The following RHOH variants were observed in gnomAD, a reference collection of about 807,000 sequenced individuals.
RHOH encodes the protein rho-related GTP-binding protein RhoH.
A neutral mutation model predicts 13.8 loss-of-function variants in RHOH; 6 were observed. That is an observed-to-expected ratio of 0.44 (90% CI 0.24 to 0.86). The LOEUF (loss-of-function observed/expected upper bound fraction) is 0.86, where lower values mean the gene tolerates loss of function less well. Ranked by LOEUF, RHOH falls within the 40% of genes least tolerant of loss-of-function variation. The pLI, the probability that RHOH is intolerant of heterozygous loss-of-function variation, is 0.24. For synonymous variants in RHOH, 117 were observed against 103.0 expected (o/e 1.14, Z -0.82); for missense variants, 147 against 244.5 (o/e 0.60, Z 2.66).
upstream of RHOH, among the ~76,000 whole-genome samples, chr4:40,195,353 T>TTTTC (rs1723009650): frequency 1.5e-5 from 2 of 131,196 alleles, no homozygotes; most frequent in African/African-American, 6.0e-5. Flanking sequence ...CCTTTCTTTC[T>TTTTC]TTTCCTTCCT....
chr4:40,220,010 C>T (rs1039273538), intron 1 of RHOH, among the ~76,000 whole-genome samples: 10 of 152,052 alleles, frequency 6.6e-5, no homozygotes, highest in Non-Finnish European at 7.4e-5. Flanking sequence ...GGGACAGGGC[C>T]GAGGAGAAAA....
rs552603664 is a variant in RHOH, at chr4:40,219,372, A to G, written c.-331+22072A>G. ...GGTTGCAGTGAGCCGAGATCGCACC[A>G]CTGCACTCCAGCTTGGGGACAGAGT... On this transcript the variant is annotated intron_variant, in intron 1 of 2. Transcript: ENST00000381799. Among the ~76,000 whole-genome samples the G allele has an allele frequency of 3.5e-3, 524 of 149,164 alleles. 1 individual carries two copies. The highest frequency in any genetic ancestry group is 5.9e-3 in the Non-Finnish European group (399 of 67,592).
At chr4:40,208,199 G>T (rs1724873729) in intron 1 of RHOH, among the ~76,000 whole-genome samples, 1 of 152,040 alleles carries the variant, frequency 6.6e-6, no homozygotes, top group Non-Finnish European at 1.5e-5. Context: ...CGAGCTATTT[G>T]GAATTTAAAT....
chr4:40,234,371 C>T (rs1433644313), intron 1 of RHOH, among the ~76,000 whole-genome samples: 4 of 152,142 alleles, frequency 2.6e-5, no homozygotes, highest in African/African-American at 9.7e-5. Flanking sequence ...TAAGGGTGCT[C>T]TGGGTGGTTG....
chr4:40,220,825 A>G (rs763746197), intron 1 of RHOH, among the ~76,000 whole-genome samples: 1 of 152,172 alleles, frequency 6.6e-6, no homozygotes, highest in African/African-American at 2.4e-5. Flanking sequence ...TTAAAAAAGA[A>G]TTTTGCTCTG....
At chr4:40,237,777 G>A (rs923304972) in intron 1 of RHOH, among the ~76,000 whole-genome samples, 4 of 152,136 alleles carry the variant, frequency 2.6e-5, no homozygotes, top group African/African-American at 9.7e-5. Context: ...CCCAACTGGC[G>A]ATGGACTCAT....
At chr4:40,222,624 C>A (rs114748261) in intron 1 of RHOH, among the ~76,000 whole-genome samples, 2 of 152,310 alleles carry the variant, frequency 1.3e-5, no homozygotes, top group East Asian at 3.9e-4. Flanking sequence ...TCATGGACAA[C>A]GCACCTAGTC....
intron 1 of RHOH, among the ~76,000 whole-genome samples, chr4:40,207,766 A>C (rs955088386): frequency 1.4e-4 from 21 of 152,196 alleles, no homozygotes; most frequent in Non-Finnish European, 2.4e-4. Context: ...CAGGAGTTCG[A>C]GACCAGCCTG....
chr4:40,243,303 C>A lies in RHOH; in HGVS notation c.-84C>A. 2 of 1,257,526 alleles carry A rather than the reference C, an allele frequency of 1.6e-6. No homozygotes were observed. The highest frequency in any genetic ancestry group is 2.2e-6 in the Non-Finnish European group (2 of 903,528). 77.9% of individuals were successfully genotyped at this position (1,257,526 alleles called of 1,614,324 possible). ...ACCTACCTGGCTTGCATTCCCCTTG[C>A]TGAATGGCGTGTGCTGCAGCTGCCC... On this transcript the variant is annotated 5_prime_UTR_variant, in exon 3 of 3. The change creates a new upstream start codon in the 5' untranslated region. Coordinates refer to ENST00000381799, the MANE Select transcript of RHOH (RefSeq NM_004310.5). This position sits in a 1 kb window ranked among gnomAD's most constrained non-coding sequence, Gnocchi z 6.2.
At chr4:40,212,273 T>C (rs570536867) in intron 1 of RHOH, among the ~76,000 whole-genome samples, 14 of 152,350 alleles carry the variant, frequency 9.2e-5, no homozygotes, top group African/African-American at 3.4e-4. Flanking sequence ...TGGATTAGAC[T>C]TCCTCAGTTT....
chr4:40,227,662 A>G (rs1579304381), intron 1 of RHOH, among the ~76,000 whole-genome samples: 6 of 152,174 alleles, frequency 3.9e-5, no homozygotes, highest in African/African-American at 1.4e-4. Flanking sequence ...CTATATATAT[A>G]TATATATTTG....
At chr4:40,235,673 G>A (rs549737670) in intron 1 of RHOH, among the ~76,000 whole-genome samples, 59 of 150,000 alleles carry the variant, frequency 3.9e-4, no homozygotes, top group African/African-American at 1.4e-3. Flanking sequence ...GTAGAGACCT[G>A]GTCTGAAGAG....
At position 40,243,362 on chromosome 4, in the gene RHOH, C is replaced by G. The variant is rs7688174; in HGVS notation, c.-25C>G. On this transcript the variant is annotated 5_prime_UTR_variant, in exon 3 of 3. Coordinates refer to ENST00000381799, the MANE Select transcript of RHOH (RefSeq NM_004310.5). The surrounding 1 kb of genome is among the most constrained non-coding windows in gnomAD (Gnocchi z 6.2). ...CTCTTTTCCCTGGGATTCTGGACTT[C>G]AGAGTAGGACAGCAGGCTGGGAAGA... 0.016 allele frequency: 25,223 copies of G among 1,543,866 alleles called. 2,855 individuals are homozygous for G. In the African/African-American group the frequency reaches 0.27, roughly 16 times the overall value.
At chr4:40,197,826 A>T (rs1723402275) in intron 1 of RHOH, among the ~76,000 whole-genome samples, 1 of 152,206 alleles carries the variant, frequency 6.6e-6, no homozygotes, top group African/African-American at 2.4e-5. Context: ...TTTTTTAATT[A>T]AATTTAATCT....
chr4:40,204,286 A>G (rs1006326882), intron 1 of RHOH, among the ~76,000 whole-genome samples: 4 of 152,224 alleles, frequency 2.6e-5, no homozygotes, highest in Admixed American at 2.6e-4. Flanking sequence ...ATGATGTGGT[A>G]AATCAAGGAT....
At chr4:40,213,559 G>A (rs1400385114) in intron 1 of RHOH, among the ~76,000 whole-genome samples, 1 of 151,990 alleles carries the variant, frequency 6.6e-6, no homozygotes, top group Non-Finnish European at 1.5e-5. Flanking sequence ...GTCTGGTTAA[G>A]ACAACTAATA....
At chr4:40,223,317 CAATCAGT>C (rs759714522) in intron 1 of RHOH, among the ~76,000 whole-genome samples, 4 of 152,126 alleles carry the variant, frequency 2.6e-5, no homozygotes, top group Non-Finnish European at 4.4e-5. Context: ...AAGGAAGAAT[CAATCAGT>C]GTGGCAAACT....
chr4:40,193,733 T>C (rs1579205825), upstream of RHOH: 1 of 152,496 alleles, frequency 6.6e-6, no homozygotes, highest in East Asian at 1.9e-4. Context: ...AACTGGCAAT[T>C]CCAGGCACAG....
chr4:40,205,344 T>C (rs1724521177), intron 1 of RHOH, among the ~76,000 whole-genome samples: 1 of 152,224 alleles, frequency 6.6e-6, no homozygotes, highest in South Asian at 2.1e-4. Flanking sequence ...GGTCAGCTGA[T>C]GCCCCTAAGC....
Sources: gnomAD v4.1 joint callset for allele counts (sites outside exome capture counted in the v4.1 genomes callset) on GRCh38, gnomAD v4.1.1 for gene constraint, Gnocchi (gnomAD v3.1) non-coding constraint, MANE v1.5 for transcripts, NCBI Gene and HGNC (gene_info 2026-07-23, HGNC 2026-07-21) for gene names.